Variants in SPAST observed in about 807,000 individuals in gnomAD.
SPAST encodes spastin.
In SPAST, 30 loss-of-function variants were observed where a neutral mutation model predicts 76.6. That is an observed-to-expected ratio of 0.39 (90% CI 0.29 to 0.53). The LOEUF (loss-of-function observed/expected upper bound fraction) is 0.53. SPAST is among the 20% of genes least tolerant of loss of function. The pLI, the probability that SPAST is intolerant of heterozygous loss-of-function variation, is 0.68. For synonymous variants in SPAST, 305 were observed against 281.0 expected (o/e 1.09, Z -0.86); for missense variants, 717 against 770.5 (o/e 0.93, Z 0.82).
chr2:32,103,546 T>C (rs906407978), intron 4 of SPAST, among the ~76,000 whole-genome samples: 1 of 152,186 alleles, frequency 6.6e-6, no homozygotes, highest in African/African-American at 2.4e-5. Context: ...CTAGTTCTTT[T>C]AATGGTGATG....
chr2:32,087,911 T>C (rs936190608), intron 2 of SPAST, among the ~76,000 whole-genome samples: 7 of 150,714 alleles, frequency 4.6e-5, no homozygotes, highest in Non-Finnish European at 7.4e-5. Context: ...TGAGACAGAG[T>C]CTCGCTCTTT....
intron 9 of SPAST, among the ~76,000 whole-genome samples, chr2:32,131,671 CTTTTTTTTT>C (rs541036416): frequency 9.3e-6 from 1 of 108,018 alleles, no homozygotes; most frequent in African/African-American, 3.5e-5. Flanking sequence ...CAACCATTCT[CTTTTTTTTT>C]TTTTTTTTTT....
At chr2:32,079,866 C>A (rs903268632) in intron 1 of SPAST, among the ~76,000 whole-genome samples, 1 of 152,186 alleles carries the variant, frequency 6.6e-6, no homozygotes, top group Non-Finnish European at 1.5e-5. Flanking sequence ...TGGATTGTTT[C>A]CATCTATTGT....
At chr2:32,138,972 G>A (rs537132325) in intron 12 of SPAST, among the ~76,000 whole-genome samples, 5 of 152,198 alleles carry the variant, frequency 3.3e-5, no homozygotes, top group African/African-American at 1.2e-4. Context: ...GATGGTTATA[G>A]GTGTGTGGCT....
intron 1 of SPAST, among the ~76,000 whole-genome samples, chr2:32,069,050 T>C (rs1676640606): frequency 6.6e-6 from 1 of 151,964 alleles, no homozygotes; most frequent in Non-Finnish European, 1.5e-5. Context: ...CCGTCTCTAC[T>C]AAAAATACAA....
intron 1 of SPAST, among the ~76,000 whole-genome samples, chr2:32,081,459 C>G (rs1414091392): frequency 1.3e-5 from 2 of 152,250 alleles, no homozygotes; most frequent in East Asian, 3.9e-4. Context: ...ACAGCTTCTC[C>G]TGGGCATGCT....
chr2:32,090,055 C>T (rs1443597720), intron 3 of SPAST, among the ~76,000 whole-genome samples: 2 of 152,350 alleles, frequency 1.3e-5, no homozygotes, highest in Middle Eastern at 3.4e-3. Flanking sequence ...TGAGCCAACG[C>T]GCCCAGCCGA....
intron 1 of SPAST, among the ~76,000 whole-genome samples, chr2:32,065,631 G>C (rs1676479594): frequency 6.6e-6 from 1 of 152,148 alleles, no homozygotes; most frequent in African/African-American, 2.4e-5. Flanking sequence ...CCAGTATGCT[G>C]AGATCTTGCT....
At chr2:32,122,177 G>C (rs576420356) in intron 7 of SPAST, among the ~76,000 whole-genome samples, 2 of 151,948 alleles carry the variant, frequency 1.3e-5, no homozygotes, top group Admixed American at 6.6e-5. Flanking sequence ...TTTTTTCTGG[G>C]GTTATTTGGC....
At chr2:32,069,384 G>A (rs1231877014) in intron 1 of SPAST, among the ~76,000 whole-genome samples, 1 of 151,942 alleles carries the variant, frequency 6.6e-6, no homozygotes, top group Non-Finnish European at 1.5e-5. Flanking sequence ...ACAAACCTTA[G>A]TTCCAAGAGA....
intron 16 of SPAST, 31 bp from the exon 17 acceptor site, chr2:32,154,343 T>C: frequency 6.3e-7 from 1 of 1,596,824 alleles, no homozygotes; most frequent in Non-Finnish European, 8.6e-7. Flanking sequence ...TGTTGATCAT[T>C]TGTATTGTCA....
chr2:32,154,561 A>G lies in SPAST; in HGVS notation c.*65A>G. 6.5e-7 allele frequency: 1 copy of G among 1,530,746 alleles called. No individual in the cohort carries two copies. Among genetic ancestry groups the G allele is most frequent in the Non-Finnish European group, 9.0e-7 (1 of 1,105,528 alleles). The allele number at this position is 1,530,746 out of a possible 1,614,324, so 94.8% of individuals were successfully genotyped here. A position where few individuals can be genotyped will look rare whatever the true frequency, so the allele number is the denominator to read the frequency against. On this transcript the variant is annotated 3_prime_UTR_variant, in exon 17 of 17. Transcript: ENST00000315285. ...AGAGGAAACACAAGATCTTCAATGA[A>G]CGTCATCGGCTACAGAAACAGCCTA... is the stretch of plus-strand genomic sequence containing the variant.
intron 1 of SPAST, among the ~76,000 whole-genome samples, chr2:32,076,243 G>A (rs1346824040): frequency 6.6e-6 from 1 of 152,018 alleles, no homozygotes; most frequent in African/African-American, 2.4e-5. Flanking sequence ...ACATTTTTAA[G>A]GGTCAAAGAA....
chr2:32,101,437 C>G (rs79136842), intron 4 of SPAST, among the ~76,000 whole-genome samples: 1 of 151,720 alleles, frequency 6.6e-6, no homozygotes, highest in Non-Finnish European at 1.5e-5. Context: ...ATGGTAGTTT[C>G]TTTTGCTGTG....
At chr2:32,070,251 A>G (rs1160880337) in intron 1 of SPAST, among the ~76,000 whole-genome samples, 2 of 151,648 alleles carry the variant, frequency 1.3e-5, no homozygotes. Flanking sequence ...TATTTTTAGG[A>G]GAGACAGGGT....
chr2:32,066,971 TCAAAAAAAAAAAAAAAAAAAAC>T (rs939723397), intron 1 of SPAST, among the ~76,000 whole-genome samples: 2 of 9,188 alleles, frequency 2.2e-4, no homozygotes, highest in Non-Finnish European at 4.4e-4. Flanking sequence ...TAAAACTGTC[TCAAAAAAAAAAAAAAAAAAAAC>T]CAAAAAAAAA....
chr2:32,106,417 G>C (rs1678322014), intron 4 of SPAST, among the ~76,000 whole-genome samples: 1 of 152,130 alleles, frequency 6.6e-6, no homozygotes, highest in South Asian at 2.1e-4. Flanking sequence ...TCCCAGGTGA[G>C]GCAATACCCC....
At chr2:32,136,685 C>T in intron 10 of SPAST, 47 bp downstream of exon 10, 1 of 1,470,074 alleles carries the variant, frequency 6.8e-7, no homozygotes, top group Non-Finnish European at 9.5e-7. Flanking sequence ...TGTGAAATTT[C>T]CCTCTCCAAA....
At chr2:32,107,324 C>G (rs957576418) in intron 4 of SPAST, among the ~76,000 whole-genome samples, 2 of 152,052 alleles carry the variant, frequency 1.3e-5, no homozygotes, top group African/African-American at 4.8e-5. Flanking sequence ...CCTCCGCAGC[C>G]TCCCCTAACC....
Sources: gnomAD v4.1 joint callset for allele counts (sites outside exome capture counted in the v4.1 genomes callset) on GRCh38, gnomAD v4.1.1 for gene constraint, MANE v1.5 for transcripts, NCBI Gene and HGNC (gene_info 2026-07-23, HGNC 2026-07-21) for gene names.